Variants in FBXW7 observed in about 807,000 individuals in gnomAD.
The protein encoded by FBXW7 is F-box and WD repeat domain containing 7, also known as F-box/WD repeat-containing protein 7.
FBXW7 carries 11 observed loss-of-function variants against 86.3 expected under a neutral mutation model. That is an observed-to-expected ratio of 0.13 (90% confidence interval 0.08 to 0.21). The LOEUF (loss-of-function observed/expected upper bound fraction) is 0.21, where lower values mean the gene tolerates loss of function less well. Among genes scored for constraint, FBXW7 ranks in the 10% least tolerant of loss-of-function variants. FBXW7 has a pLI of 1.00. For missense variants in FBXW7, 488 were observed against 847.4 expected, an observed-to-expected ratio of 0.58 and a Z score of 5.27; for synonymous variants, 313 against 297.9, an observed-to-expected ratio of 1.05 and a Z score of -0.52.
intron 2 of FBXW7, among the ~76,000 whole-genome samples, chr4:152,430,694 T>A (rs1201463976): frequency 1.3e-5 from 2 of 152,160 alleles, no homozygotes; most frequent in South Asian, 2.1e-4. Context: ...TATTGACAGA[T>A]AAGAACATTA....
chr4:152,497,746 T>C (rs1391781549), intron 2 of FBXW7, among the ~76,000 whole-genome samples: 3 of 152,210 alleles, frequency 2.0e-5, no homozygotes, highest in Non-Finnish European at 4.4e-5. Context: ...CTGAACCCTG[T>C]GATTCAGCAA....
chr4:152,429,684 C>A (rs1739717799), intron 2 of FBXW7, among the ~76,000 whole-genome samples: 1 of 152,172 alleles, frequency 6.6e-6, no homozygotes, highest in Non-Finnish European at 1.5e-5. Flanking sequence ...AACTATAAAT[C>A]TTTGGGCAAG....
At chr4:152,480,629 G>C (rs1431907871) in intron 2 of FBXW7, among the ~76,000 whole-genome samples, 1 of 152,136 alleles carries the variant, frequency 6.6e-6, no homozygotes, top group African/African-American at 2.4e-5. Flanking sequence ...GAAAAGAAAA[G>C]TTCTTGAAGG....
intron 2 of FBXW7, among the ~76,000 whole-genome samples, chr4:152,468,750 C>T (rs747605078): frequency 6.6e-6 from 1 of 151,986 alleles, no homozygotes; most frequent in Non-Finnish European, 1.5e-5. Context: ...ATAAAACTGT[C>T]ACTAAAATTA....
intron 6 of FBXW7, among the ~76,000 whole-genome samples, chr4:152,343,845 T>C (rs1228986113): frequency 6.6e-6 from 1 of 152,156 alleles, no homozygotes; most frequent in Non-Finnish European, 1.5e-5. Context: ...GGTTTTTGTC[T>C]TTAATTTGCA....
In FBXW7 at chr4:152,405,283, T is replaced by C. The variant is rs184096613; in HGVS notation, c.501+6020A>G. ...AAAAATGTCACCAGGTAATACCAAATGAACTGCACCATGAAGAGAAGCAAG... is the reference window on the plus strand; with the variant it reads ...AAAAATGTCACCAGGTAATACCAAACGAACTGCACCATGAAGAGAAGCAAG... On this transcript the variant is annotated intron_variant, in intron 4 of 13. Transcript: ENST00000281708. Among the ~76,000 whole-genome samples the C allele has an allele frequency of 4.7e-3, 712 of 152,178 alleles. 5 individuals are homozygous for C. Among genetic ancestry groups the C allele is most frequent in the Middle Eastern group, 6.8e-3 (2 of 294 alleles).
intron 2 of FBXW7, among the ~76,000 whole-genome samples, chr4:152,518,649 G>C (rs1361220816): frequency 6.6e-6 from 1 of 152,044 alleles, no homozygotes; most frequent in East Asian, 1.9e-4. Context: ...ATTTTATAAA[G>C]GCATATAATT....
At chr4:152,483,962 G>A (rs1259030893) in intron 2 of FBXW7, among the ~76,000 whole-genome samples, 2 of 152,030 alleles carry the variant, frequency 1.3e-5, no homozygotes, top group Non-Finnish European at 2.9e-5. Context: ...TTGACAATCA[G>A]ATTGTCAAAC....
chr4:152,445,837 G>A (rs889666018), intron 2 of FBXW7, among the ~76,000 whole-genome samples: 1 of 148,838 alleles, frequency 6.7e-6, no homozygotes, highest in Non-Finnish European at 1.5e-5. Flanking sequence ...TTGAACCTAG[G>A]AGGCAGAGGT....
chr4:152,442,629 C>T (rs1251038586), intron 2 of FBXW7, among the ~76,000 whole-genome samples: 3 of 152,110 alleles, frequency 2.0e-5, no homozygotes, highest in African/African-American at 7.2e-5. Flanking sequence ...CATGTACTGA[C>T]CAGATTAAAG....
At chr4:152,511,292 G>GCCCCCCCCCCCCC (rs371477693) in intron 2 of FBXW7, among the ~76,000 whole-genome samples, 8 of 88,640 alleles carry the variant, frequency 9.0e-5, no homozygotes, top group South Asian at 7.0e-4. Context: ...ACAGCCCCCC[G>GCCCCCCCCCCCCC]CCCCCCCCAC....
At chr4:152,391,198 G>A (rs1359424362) in intron 4 of FBXW7, among the ~76,000 whole-genome samples, 1 of 152,010 alleles carries the variant, frequency 6.6e-6, no homozygotes, top group African/African-American at 2.4e-5. Context: ...CAGAATTTAA[G>A]TATAGAATTA....
intron 6 of FBXW7, chr4:152,338,145 T>TA (rs202091170): frequency 1.1e-3 from 414 of 368,412 alleles, no homozygotes; most frequent in Middle Eastern, 1.4e-3. Flanking sequence ...CGTAAAAGGT[T>TA]AAAAAAAAAC....
chr4:152,535,596 G>A lies in FBXW7; in HGVS notation c.-682C>T, dbSNP rs1330872396. ...GTGGCCGAGTCGGCGGCAAGGCGAGGGACCCGGCCGGCTCCGCTCGGCGCC... is the reference window on the plus strand; with the variant it reads ...GTGGCCGAGTCGGCGGCAAGGCGAGAGACCCGGCCGGCTCCGCTCGGCGCC... On this transcript the variant is annotated 5_prime_UTR_variant, in exon 1 of 14. Coordinates refer to ENST00000281708, the MANE Select transcript of FBXW7 (RefSeq NM_001349798.2). The A allele has an allele frequency of 1.5e-5, 6 of 396,862 alleles. No homozygotes were observed. The highest frequency in any genetic ancestry group is 4.4e-6 in the Non-Finnish European group (1 of 224,980). 24.6% of individuals were successfully genotyped at this position (396,862 alleles called of 1,614,324 possible).
chr4:152,409,982 A>G (rs1737787105), intron 4 of FBXW7, among the ~76,000 whole-genome samples: 1 of 152,210 alleles, frequency 6.6e-6, no homozygotes, highest in Admixed American at 6.6e-5. Context: ...AAGAAAAGAT[A>G]AAGCACCTGT....
At chr4:152,519,261 G>A (rs1457442911) in intron 2 of FBXW7, among the ~76,000 whole-genome samples, 1 of 152,050 alleles carries the variant, frequency 6.6e-6, no homozygotes, top group African/African-American at 2.4e-5. Context: ...TCACACCACT[G>A]CACTCCAGCC....
At chr4:152,485,533 A>G (rs921379661) in intron 2 of FBXW7, among the ~76,000 whole-genome samples, 4 of 152,206 alleles carry the variant, frequency 2.6e-5, no homozygotes, top group African/African-American at 9.7e-5. Flanking sequence ...TGAAACAAGG[A>G]AAGAAAAGAA....
At chr4:152,407,526 A>G (rs1348561106) in intron 4 of FBXW7, among the ~76,000 whole-genome samples, 1 of 152,194 alleles carries the variant, frequency 6.6e-6, no homozygotes, top group Non-Finnish European at 1.5e-5. Flanking sequence ...GAGCCCTGTT[A>G]TATTTCCAAT....
intron 2 of FBXW7, among the ~76,000 whole-genome samples, chr4:152,521,267 T>A (rs1259546826): frequency 6.6e-6 from 1 of 152,082 alleles, no homozygotes; most frequent in Non-Finnish European, 1.5e-5. Context: ...TAACTAATTC[T>A]AGTTATATTA....
Sources: allele counts gnomAD v4.1 joint callset (sites outside exome capture counted in the v4.1 genomes callset), GRCh38; gene constraint gnomAD v4.1.1; transcripts MANE v1.5; gene names NCBI Gene and HGNC (gene_info 2026-07-23, HGNC 2026-07-21).